The following SPON1 variants were observed in gnomAD, a reference collection of about 807,000 sequenced individuals.
SPON1 encodes the protein spondin 1, also known as spondin-1.
Under a neutral mutation model 111.7 loss-of-function variants are expected in SPON1, and 52 were observed. The ratio of observed to expected loss-of-function variants is 0.47; its 90% CI spans 0.37 to 0.59. The LOEUF (loss-of-function observed/expected upper bound fraction) is 0.59, where lower values mean the gene tolerates loss of function less well. Ranked by LOEUF, SPON1 falls within the 20% of genes least tolerant of loss-of-function variation. The pLI is 0.00. For synonymous variants in SPON1, 410 were observed against 395.8 expected, an observed-to-expected ratio of 1.04 and a Z score of -0.43; for missense variants, 957 against 1,068.5, an observed-to-expected ratio of 0.90 and a Z score of 1.46.
intron 6 of SPON1, among the ~76,000 whole-genome samples, chr11:14,167,499 A>G (rs1848044031): frequency 1.8e-5 from 1 of 54,852 alleles, no homozygotes; most frequent in Non-Finnish European, 3.5e-5. Context: ...CCATTTACCC[A>G]AAGGAGAAAA....
At chr11:14,125,945 G>A (rs1030422218) in intron 5 of SPON1, among the ~76,000 whole-genome samples, 1 of 152,194 alleles carries the variant, frequency 6.6e-6, no homozygotes, top group Non-Finnish European at 1.5e-5. Context: ...CAGTCCTAAG[G>A]CCAGTAGGCT....
At chr11:14,047,842 A>G (rs1235888614) in intron 3 of SPON1, among the ~76,000 whole-genome samples, 5 of 152,220 alleles carry the variant, frequency 3.3e-5, no homozygotes, top group Non-Finnish European at 5.9e-5. Flanking sequence ...AGTCCCTCCA[A>G]TGTCAACAGG....
At chr11:14,193,270 A>C (rs1320447847) in intron 6 of SPON1, among the ~76,000 whole-genome samples, 2 of 152,158 alleles carry the variant, frequency 1.3e-5, no homozygotes, top group Admixed American at 1.3e-4. Context: ...AGAACCAGGA[A>C]GTGTTGGCAG....
chr11:14,219,562 G>C (rs1198791133), intron 6 of SPON1, among the ~76,000 whole-genome samples: 2 of 152,148 alleles, frequency 1.3e-5, no homozygotes, highest in African/African-American at 4.8e-5. Flanking sequence ...CTCTAAAGTT[G>C]AATGTTTGTC....
intron 6 of SPON1, among the ~76,000 whole-genome samples, chr11:14,183,878 T>C (rs1384456506): frequency 7.9e-6 from 1 of 126,362 alleles, no homozygotes; most frequent in Non-Finnish European, 1.8e-5. Flanking sequence ...ATCACATCTA[T>C]AAAATATGAT....
intron 11 of SPON1, among the ~76,000 whole-genome samples, chr11:14,258,613 C>A (rs1554941497): frequency 6.6e-6 from 1 of 151,992 alleles, no homozygotes; most frequent in Non-Finnish European, 1.5e-5. Context: ...GGGAAAAAAA[C>A]CACTTCCAAG....
chr11:14,032,466 C>T (rs1007793894), intron 2 of SPON1, among the ~76,000 whole-genome samples: 4 of 152,164 alleles, frequency 2.6e-5, no homozygotes, highest in East Asian at 1.9e-4. Context: ...ATGTGGGCCA[C>T]GACCAGTTAG....
At chr11:14,185,324 C>T (rs535015155) in intron 6 of SPON1, among the ~76,000 whole-genome samples, 71 of 152,290 alleles carry the variant, frequency 4.7e-4, no homozygotes, top group Non-Finnish European at 7.5e-4. Context: ...ATCCCCCATC[C>T]TTTACCATCC....
chr11:14,256,717 G>A (rs1849113224), intron 10 of SPON1, 25 bp downstream of exon 10: 4 of 1,583,908 alleles, frequency 2.5e-6, no homozygotes, highest in Middle Eastern at 1.7e-4. Context: ...TTTGTTGCAG[G>A]TGGCAACATA....
intron 2 of SPON1, among the ~76,000 whole-genome samples, chr11:14,018,286 T>C (rs1251092629): frequency 6.6e-6 from 1 of 152,196 alleles, no homozygotes; most frequent in Admixed American, 6.5e-5. Context: ...AGGTCCCAAA[T>C]GGAAATAGGA....
intron 3 of SPON1, among the ~76,000 whole-genome samples, chr11:14,070,714 AC>A (rs1321838193): frequency 1.3e-5 from 2 of 152,038 alleles, no homozygotes; most frequent in African/African-American, 2.4e-5. Flanking sequence ...GGGAGCAGGG[AC>A]CCCAGCCCCT....
chr11:14,111,886 C>T (rs117277599), intron 5 of SPON1, among the ~76,000 whole-genome samples: 2,721 of 152,070 alleles, frequency 0.018, 53 homozygotes, highest in Non-Finnish European at 0.028. Flanking sequence ...GACAAAGTGA[C>T]ATGGAATTTC....
intron 6 of SPON1, among the ~76,000 whole-genome samples, chr11:14,177,700 C>G (rs1848193496): frequency 6.6e-6 from 1 of 152,156 alleles, no homozygotes; most frequent in South Asian, 2.1e-4. Context: ...CCATGCTAGT[C>G]CTTCTCTAGC....
At chr11:14,117,403 A>G (rs1472146150) in intron 5 of SPON1, among the ~76,000 whole-genome samples, 4 of 152,204 alleles carry the variant, frequency 2.6e-5, no homozygotes, top group African/African-American at 7.2e-5. Flanking sequence ...ATGTATATCA[A>G]ATATAATCAG....
At chr11:14,056,318 T>C (rs949622979) in intron 3 of SPON1, among the ~76,000 whole-genome samples, 1 of 152,212 alleles carries the variant, frequency 6.6e-6, no homozygotes, top group Non-Finnish European at 1.5e-5. Context: ...TTGCTTTACA[T>C]TTGCAATAAA....
chr11:14,173,082 G>C (rs1197251265), intron 6 of SPON1, among the ~76,000 whole-genome samples: 1 of 151,924 alleles, frequency 6.6e-6, no homozygotes, highest in African/African-American at 2.4e-5. Context: ...ATATCCTGCA[G>C]AGTGTTTTCC....
At chr11:13,987,996 G>A (rs59881772) in intron 2 of SPON1, among the ~76,000 whole-genome samples, 2,790 of 152,248 alleles carry the variant, frequency 0.018, 83 homozygotes, top group African/African-American at 0.064. Flanking sequence ...GATGCCTCCA[G>A]CTTTGTTTTT....
chr11:13,988,847 C>T (rs531204500), intron 2 of SPON1, among the ~76,000 whole-genome samples: 5 of 152,180 alleles, frequency 3.3e-5, no homozygotes, highest in East Asian at 1.9e-4. Context: ...TGATGGATTA[C>T]GTTTATTGAT....
chr11:14,153,606 G>A (rs1554930109), intron 6 of SPON1, among the ~76,000 whole-genome samples: 1 of 152,104 alleles, frequency 6.6e-6, no homozygotes, highest in African/African-American at 2.4e-5. Context: ...TTCATGTGGG[G>A]ACACAGAGCC....
Sources: gnomAD v4.1 joint callset for allele counts (sites outside exome capture counted in the v4.1 genomes callset) on GRCh38, gnomAD v4.1.1 for gene constraint, MANE v1.5 for transcripts, NCBI Gene and HGNC (gene_info 2026-07-23, HGNC 2026-07-21) for gene names.